ERGIC1: variants seen among roughly 807,000 people sequenced by gnomAD.
The protein encoded by ERGIC1 is endoplasmic reticulum-Golgi intermediate compartment protein 1.
ERGIC1 carries 19 observed loss-of-function variants against 38.3 expected under a neutral mutation model. The ratio of observed to expected loss-of-function variants is 0.50; its 90% CI spans 0.35 to 0.73. ERGIC1 has a LOEUF of 0.73. Ranked by LOEUF, ERGIC1 falls within the 30% of genes least tolerant of loss-of-function variation. The pLI is 0.01. For missense variants in ERGIC1, 294 were observed against 389.2 expected, an observed-to-expected ratio of 0.76 and a Z score of 2.06; for synonymous variants, 124 against 157.6, an observed-to-expected ratio of 0.79 and a Z score of 1.60.
At position 172,852,887 on chromosome 5, in the gene ERGIC1, G is replaced by A. The variant is rs568202791; in HGVS notation, c.20+18454G>A. On this transcript the variant is annotated intron_variant, in intron 1 of 9. Transcript: ENST00000393784. ...GGCATTTCTATGTGTGGACCTTGACGCAGGTTCCCACAAAGGACTCTGGCC... is the reference window on the plus strand; with the variant it reads ...GGCATTTCTATGTGTGGACCTTGACACAGGTTCCCACAAAGGACTCTGGCC... 2.3e-4 allele frequency among the ~76,000 whole-genome samples: 35 copies of A among 152,364 alleles called. 1 individual carries two copies. The South Asian group carries it at 7.0e-3, about 31-fold the overall frequency.
chr5:172,860,197 C>T (rs141770333), intron 1 of ERGIC1, among the ~76,000 whole-genome samples: 12 of 152,288 alleles, frequency 7.9e-5, no homozygotes, highest in East Asian at 3.9e-4. Flanking sequence ...TGAGGCAGTG[C>T]GCTCAAGTGG....
At chr5:172,918,953 C>T (rs945985583) in intron 5 of ERGIC1, among the ~76,000 whole-genome samples, 4 of 151,768 alleles carry the variant, frequency 2.6e-5, no homozygotes, top group Admixed American at 6.6e-5. Flanking sequence ...CCCCTCATCA[C>T]GCTGCGGCTG....
At chr5:172,882,294 C>T (rs1762303529) in intron 1 of ERGIC1, among the ~76,000 whole-genome samples, 1 of 152,204 alleles carries the variant, frequency 6.6e-6, no homozygotes, top group African/African-American at 2.4e-5. Flanking sequence ...CTGTCTAGAA[C>T]ACTGCCTGGT....
chr5:172,894,605 G>GTCTCT (rs1762679263), intron 2 of ERGIC1, among the ~76,000 whole-genome samples: 1 of 152,186 alleles, frequency 6.6e-6, no homozygotes, highest in South Asian at 2.1e-4. Flanking sequence ...TTCACTCGGA[G>GTCTCT]CCTAAGTTCT....
At position 172,905,953 on chromosome 5, in the gene ERGIC1, C is replaced by T. The variant is rs143077441; in HGVS notation, c.156-3714C>T. The T allele has an allele frequency of 1.2e-5, 5 of 403,646 alleles. No individual in the cohort carries two copies. The East Asian group carries it at 3.6e-4, about 29-fold the overall frequency. The allele number at this position is 403,646 out of a possible 1,614,324, so 25.0% of individuals were successfully genotyped here. A position where few individuals can be genotyped will look rare whatever the true frequency, so the allele number is the denominator to read the frequency against. On this transcript the variant is annotated intron_variant, in intron 3 of 9. Transcript: ENST00000393784. ...GCCTAATTGGTATTTCAGTGAGCTC[C>T]CTTTACTACCTGATTGGTCAGGTGT...
chr5:172,937,983 G>A (rs536809265), intron 9 of ERGIC1: 19 of 151,676 alleles, frequency 1.3e-4, no homozygotes, highest in Admixed American at 1.1e-3. Flanking sequence ...GGGCAACAGA[G>A]TGAGACTCCG....
chr5:172,919,162 T>C (rs1415166023), intron 5 of ERGIC1, among the ~76,000 whole-genome samples: 1 of 152,074 alleles, frequency 6.6e-6, no homozygotes, highest in East Asian at 1.9e-4. Context: ...ACAGGAAATA[T>C]GTGATTTTGA....
chr5:172,876,531 T>C (rs1274365886), intron 1 of ERGIC1, among the ~76,000 whole-genome samples: 1 of 152,230 alleles, frequency 6.6e-6, no homozygotes, highest in Admixed American at 6.5e-5. Context: ...TCACTTAATG[T>C]ATGGGATGTA....
rs1561694781 is a variant in ERGIC1 at position 172,834,590 on chromosome 5, T to TC, written c.20+157_20+158insC. On this transcript the variant is annotated intron_variant, in intron 1 of 9. Transcript: ENST00000393784. This position sits in a 1 kb window ranked among gnomAD's most constrained non-coding sequence, Gnocchi z 4.1. ...AGGGACCCCAGGCGAGCCCCCCCCC[T>TC]GCCGCACACGAAGCCAGCCAGAGCC... 1.0e-4 allele frequency among the ~76,000 whole-genome samples: 10 copies of TC among 99,704 alleles called. No individual in the cohort carries two copies. In the South Asian group the frequency reaches 1.6e-3, roughly 16 times the overall value. 65.4% of individuals were successfully genotyped at this position (99,704 alleles called of 152,430 possible). A position where few individuals can be genotyped will look rare whatever the true frequency, so the allele number is the denominator to read the frequency against.
chr5:172,934,144 G>A (rs1186116326), intron 8 of ERGIC1: 1 of 152,320 alleles, frequency 6.6e-6, no homozygotes, highest in Non-Finnish European at 1.5e-5. Flanking sequence ...TCTGCCCTGG[G>A]AGCAGGCAGC....
chr5:172,905,564 C>T (rs969228490), intron 3 of ERGIC1: 6 of 402,190 alleles, frequency 1.5e-5, no homozygotes, highest in Admixed American at 2.6e-5. Flanking sequence ...AGGACAAACC[C>T]GGGCACTTAG....
chr5:172,905,945 G>A (rs1763008485), intron 3 of ERGIC1: 2 of 392,786 alleles, frequency 5.1e-6, no homozygotes, highest in African/African-American at 2.1e-5. Flanking sequence ...TGGTATTTCA[G>A]TGAGCTCCCT....
intron 3 of ERGIC1, chr5:172,906,223 G>A (rs1332034311): frequency 2.0e-5 from 9 of 454,468 alleles, no homozygotes; most frequent in Non-Finnish European, 3.5e-5. Flanking sequence ...CCCAGGACCA[G>A]GGCCCTCCTT....
chr5:172,888,575 A>G (rs1038258747), intron 1 of ERGIC1, 124 bp from the exon 2 acceptor site: 17 of 793,278 alleles, frequency 2.1e-5, no homozygotes, highest in African/African-American at 2.0e-4. Context: ...CTGAAAGAGC[A>G]GAAAAACTGT....
chr5:172,950,629 A>G, intron 9 of ERGIC1, 80 bp from the exon 10 acceptor site: 6 of 1,271,342 alleles, frequency 4.7e-6, no homozygotes, highest in Non-Finnish European at 6.7e-6. Context: ...CCATCATCTC[A>G]TGATGTGGGA....
chr5:172,927,877 GT>G (rs1763692002), intron 7 of ERGIC1, among the ~76,000 whole-genome samples: 1 of 152,198 alleles, frequency 6.6e-6, no homozygotes, highest in African/African-American at 2.4e-5. Context: ...GAAAGTGTCT[GT>G]CGTTTCCTGT....
At position 172,926,295 on chromosome 5, in the gene ERGIC1, A is replaced by C. The variant is rs2113456746; in HGVS notation, c.481-214A>C. Among the ~76,000 whole-genome samples, 1 of 152,340 alleles carries C rather than the reference A, an allele frequency of 6.6e-6. No homozygotes were observed. The highest frequency in any genetic ancestry group is 1.5e-5 in the Non-Finnish European group (1 of 68,018). On this transcript the variant is annotated intron_variant, in intron 6 of 9. Transcript: ENST00000393784. This position sits in a 1 kb window ranked among gnomAD's most constrained non-coding sequence, Gnocchi z 5.2. ...TTATATGAAGGGGCCAGGATGGAGCAGCACATAGTAGGGGCTAGAGATGGG... is the reference window on the plus strand; with the variant it reads ...TTATATGAAGGGGCCAGGATGGAGCCGCACATAGTAGGGGCTAGAGATGGG...
chr5:172,857,943 T>C (rs1325286188), intron 1 of ERGIC1, among the ~76,000 whole-genome samples: 1 of 152,168 alleles, frequency 6.6e-6, no homozygotes, highest in Admixed American at 6.6e-5. Flanking sequence ...TGCCAGGCAC[T>C]GCGAGACTCG....
intron 1 of ERGIC1, among the ~76,000 whole-genome samples, chr5:172,861,273 T>C (rs1004071295): frequency 1.1e-4 from 17 of 152,026 alleles, no homozygotes; most frequent in African/African-American, 3.9e-4. Context: ...GCTCCCTCCC[T>C]TCCCTCGGGT....
Sources: gnomAD v4.1 joint callset for allele counts (sites outside exome capture counted in the v4.1 genomes callset) on GRCh38, gnomAD v4.1.1 for gene constraint, Gnocchi (gnomAD v3.1) non-coding constraint, MANE v1.5 for transcripts, NCBI Gene and HGNC (gene_info 2026-07-23, HGNC 2026-07-21) for gene names.